The following EP300 variants were observed in gnomAD, a reference collection of about 807,000 sequenced individuals.
The protein encoded by EP300 is EP300 lysine acetyltransferase.
In EP300, 31 loss-of-function variants were observed where a neutral mutation model predicts 264.0. The ratio of observed to expected loss-of-function variants is 0.12; its 90% CI spans 0.09 to 0.16. The LOEUF (loss-of-function observed/expected upper bound fraction) is 0.16, where lower values mean the gene tolerates loss of function less well. Among genes scored for constraint, EP300 ranks in the 10% least tolerant of loss-of-function variants. The probability of loss-of-function intolerance (pLI) is 1.00; values close to 1 mark genes in which losing one functional copy is unlikely to be tolerated. For missense variants in EP300, 2,766 were observed against 3,052.9 expected (o/e 0.91, Z 2.21); for synonymous variants, 1,340 against 1,045.4 (o/e 1.28, Z -5.44).
chr22:41,119,158 A>G (rs549446267), intron 2 of EP300, among the ~76,000 whole-genome samples: 89 of 110,482 alleles, frequency 8.1e-4, no homozygotes, highest in African/African-American at 2.8e-3. Context: ...ACATACCACC[A>G]TGCCTGGCTT....
intron 23 of EP300, 161 bp from the exon 24 acceptor site, chr22:41,168,288 T>C: frequency 2.7e-6 from 2 of 735,308 alleles, no homozygotes; most frequent in South Asian, 1.6e-5. Flanking sequence ...TCATATGACA[T>C]GTAAATCTGC....
chr22:41,154,554 T>C (rs923794859), intron 16 of EP300, among the ~76,000 whole-genome samples: 5 of 151,910 alleles, frequency 3.3e-5, no homozygotes, highest in African/African-American at 1.2e-4. Flanking sequence ...ATTTTTTATA[T>C]TTTTAGTAGA....
chr22:41,167,814 GTTTTTTTT>G (rs1555911003), intron 23 of EP300, among the ~76,000 whole-genome samples: 1 of 66,208 alleles, frequency 1.5e-5, no homozygotes, highest in African/African-American at 6.4e-5. Context: ...GTTTGTTTTT[GTTTTTTTT>G]TTTGTTTTTT....
At position 41,152,359 on chromosome 22, in the gene EP300, C is replaced by G. The variant is rs760044076; in HGVS notation, c.3142+9C>G. 5 of 1,611,506 alleles carry G rather than the reference C, an allele frequency of 3.1e-6. No homozygotes were observed. The South Asian group carries it at 4.4e-5, about 14-fold the overall frequency. ...ACAGTCAAAGAAAAAGAGTGAGTCT[C>G]TGAAGCCATTCGTTCTGGAGGTAGC... On this transcript the variant is annotated intron_variant, in intron 16 of 30. Transcript: ENST00000263253.
intron 5 of EP300, among the ~76,000 whole-genome samples, chr22:41,130,224 C>T (rs1270026302): frequency 6.7e-6 from 1 of 149,296 alleles, no homozygotes; most frequent in Non-Finnish European, 1.5e-5. Flanking sequence ...GCGCTCCAGC[C>T]TGAGTGATGG....
chr22:41,177,364 C>G lies in EP300; in HGVS notation c.5653C>G (p.Pro1885Ala), dbSNP rs2145516958. 1 of 1,614,024 alleles carries G rather than the reference C, an allele frequency of 6.2e-7. No homozygotes were observed. Among genetic ancestry groups the G allele is most frequent in the East Asian group, 2.2e-5 (1 of 44,858 alleles). The change falls in exon 31 of 31, where the codon CCC (proline) becomes GCC (alanine). Residue 1885 changes from proline to alanine, a missense_variant. Physicochemically the swap from Pro to Ala is conservative, Grantham distance 27. Transcript: ENST00000263253. ...PQPTPPNSMP[P>A]YLPRTQAAGP... ...GCCTACCCCTCCCAATAGCATGCCACCCTACTTGCCCAGGACTCAAGCTGC... is the reference window on the plus strand; with the variant it reads ...GCCTACCCCTCCCAATAGCATGCCAGCCTACTTGCCCAGGACTCAAGCTGC...
chr22:41,170,525 A>T lies in EP300; in HGVS notation c.4406A>T (p.Lys1469Ile). The change falls in exon 27 of 31, where the codon AAA becomes ATA. Residue 1469 changes from lysine (K) to isoleucine (I), a missense_variant. Physicochemically the swap from Lys to Ile is moderately radical, Grantham distance 102 (BLOSUM62 -3). Transcript: ENST00000263253. ...KPKRLQEWYKKMLDKAVSERI... is the reference protein window; with the variant it reads ...KPKRLQEWYKIMLDKAVSERI... ...AAGCGACTGCAGGAATGGTACAAAA[A>T]AATGCTTGACAAGGCTGTATCAGAG... 6.2e-7 allele frequency: 1 copy of T among 1,614,198 alleles called. No homozygotes were observed. The highest frequency in any genetic ancestry group is 8.5e-7 in the Non-Finnish European group (1 of 1,180,034).
chr22:41,177,858 A>G lies in EP300; in HGVS notation c.6147A>G (p.Gln2049=), dbSNP rs751494005. The change falls in exon 31 of 31, where the codon CAA becomes CAG. Residue 2049 remains glutamine, a synonymous_variant. Transcript: ENST00000263253. The part of the protein sequence containing the change: ...SPLKPGTVSQ[Q]ALQNLLRTLR... Reference sequence around the variant, plus strand: ...TCAAACCAGGCACTGTGTCTCAACAAGCCTTACAAAACCTTTTGCGGACTC... The same window carrying G: ...TCAAACCAGGCACTGTGTCTCAACAGGCCTTACAAAACCTTTTGCGGACTC... The G allele has an allele frequency of 6.2e-7, 1 of 1,614,144 alleles. No individual in the cohort carries two copies. Among genetic ancestry groups the G allele is most frequent in the South Asian group, 1.1e-5 (1 of 91,086 alleles).
rs559125195 is a variant in EP300, at chr22:41,178,476, C to T, written c.6765C>T (p.Ala2255=). 1.2e-6 allele frequency: 2 copies of T among 1,614,092 alleles called. No homozygotes were observed. Among genetic ancestry groups the T allele is most frequent in the Non-Finnish European group, 1.7e-6 (2 of 1,180,030 alleles). ...AGGCCTTGGGAGCAGAGGCAGGTGC[C>T]AGTCTACAGGCCTATCAGCAGCGAC... is the stretch of plus-strand genomic sequence containing the variant. ...LPQALGAEAG[A]SLQAYQQRLL... The change falls in exon 31 of 31, where the codon GCC becomes GCT. Residue 2255 remains alanine, a synonymous_variant. Transcript: ENST00000263253.
chr22:41,156,418 G>A (rs2059077557), intron 17 of EP300, among the ~76,000 whole-genome samples: 1 of 122,628 alleles, frequency 8.2e-6, no homozygotes, highest in South Asian at 3.2e-4. Context: ...GATTTCATTT[G>A]GTGGTTTTAA....
In EP300 at chr22:41,126,032, C is replaced by A. The variant is rs1414372233; in HGVS notation, c.898C>A (p.Pro300Thr). Residue 300 changes from proline to threonine, a missense_variant, in exon 3 of 31, where the codon CCC becomes ACC. Pro to Thr is a conservative substitution (Grantham distance 38). Transcript: ENST00000263253. ...DKKAVPGGGM[P>T]NMGQQPAPQV... is the part of the protein sequence containing the mutation. ...AAAGGCAGTTCCTGGTGGAGGAATG[C>A]CCAACATGGTGAGTACTAATCCATT... The A allele has an allele frequency of 6.2e-7, 1 of 1,614,030 alleles. No individual in the cohort carries two copies. The highest frequency in any genetic ancestry group is 8.5e-7 in the Non-Finnish European group (1 of 1,179,948).
At chr22:41,097,625 T>C (rs1326357911) in intron 1 of EP300, among the ~76,000 whole-genome samples, 1 of 152,206 alleles carries the variant, frequency 6.6e-6, no homozygotes, top group Non-Finnish European at 1.5e-5. Context: ...ATTCTGCCAA[T>C]TCATATACCC....
At chr22:41,097,567 G>A (rs2058709044) in intron 1 of EP300, among the ~76,000 whole-genome samples, 5 of 152,210 alleles carry the variant, frequency 3.3e-5, no homozygotes. Flanking sequence ...ACAAGTGGGA[G>A]TGTAAAATAC....
chr22:41,137,521 G>T (rs2058958609), intron 7 of EP300, 132 bp from the exon 8 acceptor site: 3 of 1,202,484 alleles, frequency 2.5e-6, no homozygotes, highest in African/African-American at 1.5e-5. Flanking sequence ...ACTTCTCCCT[G>T]CCTAGCTCCT....
At chr22:41,146,588 C>A in intron 10 of EP300, 151 bp from the exon 11 acceptor site, 2 of 703,726 alleles carry the variant, frequency 2.8e-6, no homozygotes, top group Non-Finnish European at 5.0e-6. Context: ...TTTCTTCAAG[C>A]TTCTGTCTAG....
At position 41,101,116 on chromosome 22, in the gene EP300, C is replaced by A. The variant is rs2058729560; in HGVS notation, c.94+8018C>A. On this transcript the variant is annotated intron_variant, in intron 1 of 30. Coordinates refer to ENST00000263253, the MANE Select transcript of EP300 (RefSeq NM_001429.4). Reference sequence around the variant, plus strand: ...TAGACACAGAGTCTCACTCTGTTTCCTAGACAGGAGTGCAGTGGTGCAATC... The same window carrying A: ...TAGACACAGAGTCTCACTCTGTTTCATAGACAGGAGTGCAGTGGTGCAATC... 2.0e-5 allele frequency among the ~76,000 whole-genome samples: 3 copies of A among 152,262 alleles called. No individual in the cohort carries two copies. The South Asian group carries it at 6.2e-4, about 32-fold the overall frequency.
In EP300 at chr22:41,092,884, C is replaced by G; in HGVS notation, c.-121C>G. On this transcript the variant is annotated 5_prime_UTR_variant, in exon 1 of 31. Coordinates refer to ENST00000263253, the MANE Select transcript of EP300 (RefSeq NM_001429.4). ...AAGAGAAAAAGGAACTTCCCCCACCCCCTCGGGTGCCGTCGGAGCCCCCCA... is the reference window on the plus strand; with the variant it reads ...AAGAGAAAAAGGAACTTCCCCCACCGCCTCGGGTGCCGTCGGAGCCCCCCA... 9.6e-7 allele frequency: 1 copy of G among 1,037,682 alleles called. No individual in the cohort carries two copies. Among genetic ancestry groups the G allele is most frequent in the South Asian group, 1.3e-5 (1 of 79,368 alleles). 64.3% of individuals were successfully genotyped at this position (1,037,682 alleles called of 1,614,324 possible).
At chr22:41,108,373 C>A (rs1174612363) in intron 1 of EP300, among the ~76,000 whole-genome samples, 1 of 151,600 alleles carries the variant, frequency 6.6e-6, no homozygotes, top group Non-Finnish European at 1.5e-5. Flanking sequence ...CTCAGCCTCC[C>A]AAGTAGCTGG....
rs375710969 is a variant in EP300, at chr22:41,177,896, G to A, written c.6185G>A (p.Ser2062Asn). Residue 2062 changes from serine (S) to asparagine (N), a missense_variant, in exon 31 of 31, where the codon AGC becomes AAC. By Grantham distance (46) the Ser-to-Asn change is conservative. Coordinates refer to ENST00000263253, the MANE Select transcript of EP300 (RefSeq NM_001429.4). Reference sequence around the variant, plus strand: ...CTTTTGCGGACTCTCAGGTCTCCCAGCTCTCCCCTGCAGCAGCAACAGGTG... The same window carrying A: ...CTTTTGCGGACTCTCAGGTCTCCCAACTCTCCCCTGCAGCAGCAACAGGTG... ...QNLLRTLRSP[S>N]SPLQQQQVLS... 4.3e-6 allele frequency: 7 copies of A among 1,614,202 alleles called. No individual in the cohort carries two copies. The highest frequency in any genetic ancestry group is 5.9e-6 in the Non-Finnish European group (7 of 1,180,030).
Sources: allele counts gnomAD v4.1 joint callset (sites outside exome capture counted in the v4.1 genomes callset), GRCh38; gene constraint gnomAD v4.1.1; transcripts MANE v1.5; gene names NCBI Gene and HGNC (gene_info 2026-07-23, HGNC 2026-07-21).